The following EFCAB11 variants were observed in gnomAD, a reference collection of about 807,000 sequenced individuals.
EFCAB11 encodes EF-hand calcium-binding domain-containing protein 11.
Under a neutral mutation model 23.0 loss-of-function variants are expected in EFCAB11, and 14 were observed. The ratio of observed to expected loss-of-function variants is 0.61; its 90% CI spans 0.40 to 0.95. The LOEUF (loss-of-function observed/expected upper bound fraction) is 0.95. EFCAB11 is among the 40% of genes least tolerant of loss of function. The pLI is 0.00. For synonymous variants in EFCAB11, 65 were observed against 66.6 expected, an observed-to-expected ratio of 0.98 and a Z score of 0.11; for missense variants, 198 against 195.8, an observed-to-expected ratio of 1.01 and a Z score of -0.07.
intron 5 of EFCAB11, among the ~76,000 whole-genome samples, chr14:89,921,270 G>C (rs1170726686): frequency 6.6e-6 from 1 of 152,078 alleles, no homozygotes; most frequent in Admixed American, 6.5e-5. Flanking sequence ...ATGAAATACT[G>C]GGGGACATGC....
At chr14:89,952,360 G>T in intron 2 of EFCAB11, 1 of 980,494 alleles carries the variant, frequency 1.0e-6, no homozygotes, top group Non-Finnish European at 1.2e-6. Flanking sequence ...AGACTCAAGG[G>T]TGATAAAGGC....
intron 5 of EFCAB11, among the ~76,000 whole-genome samples, chr14:89,903,977 GTTT>G (rs138447121): frequency 6.6e-6 from 1 of 151,778 alleles, no homozygotes; most frequent in African/African-American, 2.4e-5. Flanking sequence ...AAACATATCT[GTTT>G]TTTTAATTAT....
chr14:89,811,609 A>C (rs1016362585), intron 5 of EFCAB11, among the ~76,000 whole-genome samples: 22 of 152,266 alleles, frequency 1.4e-4, no homozygotes, highest in African/African-American at 5.3e-4. Flanking sequence ...AGCCAGAGAG[A>C]TGTGAAGACG....
chr14:89,855,914 G>T (rs906585173), intron 5 of EFCAB11, among the ~76,000 whole-genome samples: 6 of 152,058 alleles, frequency 3.9e-5, no homozygotes, highest in African/African-American at 1.4e-4. Context: ...TATGTCACCT[G>T]GTATAAAGCC....
intron 5 of EFCAB11, chr14:89,837,290 G>A (rs1887117069): frequency 5.7e-6 from 2 of 348,706 alleles, no homozygotes; most frequent in Non-Finnish European, 1.1e-5. Flanking sequence ...CTCCCTTCCA[G>A]TTAGGTTTGG....
intron 3 of EFCAB11, among the ~76,000 whole-genome samples, chr14:89,947,997 A>T (rs1596471748): frequency 7.4e-6 from 1 of 134,360 alleles, no homozygotes; most frequent in Admixed American, 7.4e-5. Context: ...CCCTGCTCCC[A>T]CCCCACCGCC....
intron 5 of EFCAB11, among the ~76,000 whole-genome samples, chr14:89,898,375 G>GT (rs974508489): frequency 6.6e-6 from 1 of 151,744 alleles, no homozygotes; most frequent in Non-Finnish European, 1.5e-5. Flanking sequence ...GTTTTGTTTT[G>GT]TTTTTTTGAG....
intron 5 of EFCAB11, among the ~76,000 whole-genome samples, chr14:89,809,012 T>C (rs759361921): frequency 6.6e-6 from 1 of 152,190 alleles, no homozygotes; most frequent in Non-Finnish European, 1.5e-5. Context: ...TTGTTTTCTA[T>C]CCCTGCATTA....
chr14:89,944,099 T>C (rs1480508724), intron 3 of EFCAB11, among the ~76,000 whole-genome samples: 3 of 152,248 alleles, frequency 2.0e-5, no homozygotes, highest in African/African-American at 7.2e-5. Context: ...ATTAATCTTT[T>C]CTCATGCTGC....
At chr14:89,808,864 T>G (rs931500223) in intron 5 of EFCAB11, among the ~76,000 whole-genome samples, 1 of 152,154 alleles carries the variant, frequency 6.6e-6, no homozygotes, top group Admixed American at 6.5e-5. Flanking sequence ...TTTAGAAAAT[T>G]ATGAAATGCA....
intron 5 of EFCAB11, among the ~76,000 whole-genome samples, chr14:89,897,360 ACCAAGC>A (rs1407461754): frequency 6.6e-6 from 1 of 152,002 alleles, no homozygotes; most frequent in Non-Finnish European, 1.5e-5. Flanking sequence ...GGTGCATGCC[ACCAAGC>A]CCAACTAATT....
chr14:89,873,607 T>C (rs1417002533), intron 5 of EFCAB11, among the ~76,000 whole-genome samples: 6 of 152,206 alleles, frequency 3.9e-5, no homozygotes, highest in Admixed American at 2.0e-4. Flanking sequence ...CTAGATATAA[T>C]GGGGGTACGG....
At chr14:89,918,453 C>A (rs1165947110) in intron 5 of EFCAB11, among the ~76,000 whole-genome samples, 1 of 151,150 alleles carries the variant, frequency 6.6e-6, no homozygotes, top group Non-Finnish European at 1.5e-5. Context: ...GCAGGAGAAT[C>A]GCTTGAACCC....
At chr14:89,942,415 T>A (rs941285620) in intron 3 of EFCAB11, among the ~76,000 whole-genome samples, 1 of 152,162 alleles carries the variant, frequency 6.6e-6, no homozygotes, top group East Asian at 1.9e-4. Context: ...TTCCTCTATA[T>A]CATTTTGTGA....
intron 5 of EFCAB11, among the ~76,000 whole-genome samples, chr14:89,842,529 C>T (rs765170108): frequency 1.3e-5 from 2 of 152,224 alleles, no homozygotes; most frequent in Admixed American, 6.5e-5. Flanking sequence ...GAGCCGAGAT[C>T]GTGCCACTGC....
At chr14:89,895,146 A>G (rs959875691) in intron 5 of EFCAB11, among the ~76,000 whole-genome samples, 1 of 152,224 alleles carries the variant, frequency 6.6e-6, no homozygotes, top group African/African-American at 2.4e-5. Context: ...GGGTTGGCAT[A>G]TAAGAAATAC....
At chr14:89,863,503 C>A (rs1324627157) in intron 5 of EFCAB11, among the ~76,000 whole-genome samples, 1 of 152,188 alleles carries the variant, frequency 6.6e-6, no homozygotes, top group Non-Finnish European at 1.5e-5. Flanking sequence ...GCAACTGCTC[C>A]CCCTTTTCTA....
intron 3 of EFCAB11, among the ~76,000 whole-genome samples, chr14:89,946,299 T>C (rs907194135): frequency 1.3e-5 from 2 of 152,208 alleles, no homozygotes; most frequent in African/African-American, 4.8e-5. Context: ...CTTCATCTGA[T>C]ATTAACATGC....
At chr14:89,951,755 A>AC (rs377704762) in intron 2 of EFCAB11, among the ~76,000 whole-genome samples, 109 of 139,456 alleles carry the variant, frequency 7.8e-4, no homozygotes, top group African/African-American at 2.4e-3. Context: ...CTAAAAACAC[A>AC]AAAAAAAAAA....
Sources: gnomAD v4.1 joint callset for allele counts (sites outside exome capture counted in the v4.1 genomes callset) on GRCh38, gnomAD v4.1.1 for gene constraint, MANE v1.5 for transcripts, NCBI Gene and HGNC (gene_info 2026-07-23, HGNC 2026-07-21) for gene names.